QTMAN: variants seen among roughly 807,000 people sequenced by gnomAD.
The protein encoded by QTMAN is tRNA-queuosine alpha-mannosyltransferase.
the QTMAN span, among the ~76,000 whole-genome samples, chr2:144,023,298 C>G: frequency 1.3e-3 from 195 of 150,420 alleles, no homozygotes; most frequent in African/African-American, 4.6e-3. Flanking sequence ...TTTTATTCTT[C>G]CTTAAAAAGG....
At chr2:144,007,315 T>A in the QTMAN span, 1 of 1,613,298 alleles carries the variant, frequency 6.2e-7, no homozygotes, top group East Asian at 2.2e-5. Context: ...GAGGTGGATT[T>A]TTTCAAGTCT....
At chr2:144,064,501 A>G in the QTMAN span, among the ~76,000 whole-genome samples, 1 of 152,158 alleles carries the variant, frequency 6.6e-6, no homozygotes, top group Non-Finnish European at 1.5e-5. Flanking sequence ...TTCACCTGTG[A>G]GCTCTGCCTG....
At chr2:144,258,666 G>A in the QTMAN span, among the ~76,000 whole-genome samples, 1 of 152,140 alleles carries the variant, frequency 6.6e-6, no homozygotes, top group Non-Finnish European at 1.5e-5. Context: ...TTCTTAAGAA[G>A]TGTATACACA....
At chr2:144,286,136 C>A in the QTMAN span, among the ~76,000 whole-genome samples, 1 of 152,192 alleles carries the variant, frequency 6.6e-6, no homozygotes, top group Non-Finnish European at 1.5e-5. Context: ...AGTATCCAAC[C>A]ACCGTAGGTG....
At chr2:144,189,110 G>C in the QTMAN span, among the ~76,000 whole-genome samples, 1 of 152,058 alleles carries the variant, frequency 6.6e-6, no homozygotes, top group Non-Finnish European at 1.5e-5. Flanking sequence ...CTCAACCTTG[G>C]ATGCACATTA....
the QTMAN span, among the ~76,000 whole-genome samples, chr2:144,031,813 G>C: frequency 6.6e-6 from 1 of 152,088 alleles, no homozygotes. Flanking sequence ...GCTGGAGTCA[G>C]AGGTGCGATC....
chr2:144,198,996 G>C, the QTMAN span, among the ~76,000 whole-genome samples: 5 of 150,310 alleles, frequency 3.3e-5, no homozygotes, highest in African/African-American at 1.2e-4. Flanking sequence ...CATCCCCTTA[G>C]ATCTATGTCA....
chr2:144,260,488 C>A, the QTMAN span, among the ~76,000 whole-genome samples: 1 of 151,960 alleles, frequency 6.6e-6, no homozygotes, highest in South Asian at 2.1e-4. Context: ...TAATGCAAAT[C>A]TTTATTTTAA....
At chr2:144,263,728 A>G in the QTMAN span, among the ~76,000 whole-genome samples, 1 of 152,178 alleles carries the variant, frequency 6.6e-6, no homozygotes, top group Admixed American at 6.5e-5. Context: ...GTCTCCAAAA[A>G]AAGAGAAAAT....
the QTMAN span, among the ~76,000 whole-genome samples, chr2:144,061,123 AAC>A: frequency 2.0e-5 from 3 of 152,340 alleles, no homozygotes; most frequent in Admixed American, 6.5e-5. Context: ...AGGGAAAATA[AAC>A]ACAAATAAAT....
At chr2:144,330,214 C>G in the QTMAN span, among the ~76,000 whole-genome samples, 1 of 152,198 alleles carries the variant, frequency 6.6e-6, no homozygotes, top group Non-Finnish European at 1.5e-5. Context: ...GATTATAATA[C>G]CGTATTTTTA....
chr2:144,295,043 T>G, the QTMAN span, among the ~76,000 whole-genome samples: 1 of 152,152 alleles, frequency 6.6e-6, no homozygotes, highest in Non-Finnish European at 1.5e-5. Context: ...CACACAGAAG[T>G]CAATATAAAA....
At chr2:143,970,466 C>T in the QTMAN span, among the ~76,000 whole-genome samples, 3 of 152,028 alleles carry the variant, frequency 2.0e-5, no homozygotes. Flanking sequence ...ACGTTCTCAA[C>T]TTAAATCAAA....
chr2:144,065,823 A>C, the QTMAN span, among the ~76,000 whole-genome samples: 53 of 151,408 alleles, frequency 3.5e-4, no homozygotes, highest in East Asian at 1.0e-2. Flanking sequence ...TGTAGTGTGA[A>C]TATTCAAGAG....
At chr2:144,059,856 AATTT>A in the QTMAN span, among the ~76,000 whole-genome samples, 12 of 152,036 alleles carry the variant, frequency 7.9e-5, no homozygotes, top group Non-Finnish European at 1.5e-4. Context: ...TGTTAGCCAA[AATTT>A]CATCTCTCAG....
chr2:144,321,398 AC>A, the QTMAN span, among the ~76,000 whole-genome samples: 1 of 152,232 alleles, frequency 6.6e-6, no homozygotes, highest in Non-Finnish European at 1.5e-5. Context: ...ATAATTCCAC[AC>A]AAAAAGATGT....
chr2:144,072,422 T>C, the QTMAN span, among the ~76,000 whole-genome samples: 6 of 152,174 alleles, frequency 3.9e-5, no homozygotes, highest in South Asian at 4.1e-4. Flanking sequence ...ACATAGGCTA[T>C]CTTGAAGACT....
chr2:144,107,220 T>C, the QTMAN span, among the ~76,000 whole-genome samples: 2 of 151,876 alleles, frequency 1.3e-5, no homozygotes, highest in African/African-American at 2.4e-5. Context: ...AGCAAACACG[T>C]TCAAAAGCTG....
At chr2:144,163,433 G>T in the QTMAN span, among the ~76,000 whole-genome samples, 3 of 152,080 alleles carry the variant, frequency 2.0e-5, no homozygotes, top group African/African-American at 7.2e-5. Flanking sequence ...TTTACCTATT[G>T]AAGTCCTTAT....
Sources: gnomAD v4.1 joint callset for allele counts (sites outside exome capture counted in the v4.1 genomes callset) on GRCh38, gnomAD v4.1.1 for gene constraint, MANE v1.5 for transcripts, NCBI Gene and HGNC (gene_info 2026-07-23, HGNC 2026-07-21) for gene names.